Variants in FHIT observed in about 807,000 individuals in gnomAD.
The protein encoded by FHIT is fragile histidine triad diadenosine triphosphatase, also known as bis(5'-adenosyl)-triphosphatase.
A neutral mutation model predicts 17.9 loss-of-function variants in FHIT; 19 were observed. The observed-to-expected ratio is 1.06, with a 90% CI of 0.74 to 1.56. The LOEUF (loss-of-function observed/expected upper bound fraction) is 1.56, where lower values mean the gene tolerates loss of function less well. Ranked by LOEUF, FHIT falls within the 40% of genes most tolerant of loss-of-function variation. The pLI, the probability that FHIT is intolerant of heterozygous loss-of-function variation, is 0.00. For synonymous variants in FHIT, 81 were observed against 69.7 expected (o/e 1.16, Z -0.81); for missense variants, 248 against 189.2 (o/e 1.31, Z -1.82).
intron 5 of FHIT, among the ~76,000 whole-genome samples, chr3:60,384,509 C>A (rs946112340): frequency 1.7e-4 from 26 of 152,024 alleles, no homozygotes; most frequent in African/African-American, 6.3e-4. Flanking sequence ...ACACACACTC[C>A]AGGAAAGGAA....
intron 8 of FHIT, among the ~76,000 whole-genome samples, chr3:59,796,111 T>C (rs934565593): frequency 6.6e-6 from 1 of 152,178 alleles, no homozygotes; most frequent in African/African-American, 2.4e-5. Context: ...TTCTCCCTAA[T>C]TTGCTTTCAA....
intron 3 of FHIT, among the ~76,000 whole-genome samples, chr3:60,911,329 A>G (rs952063127): frequency 2.6e-5 from 4 of 151,790 alleles, no homozygotes; most frequent in Non-Finnish European, 5.9e-5. Context: ...ATTCTATAGA[A>G]TACTTATTCG....
chr3:60,548,219 A>C (rs1228574702), intron 4 of FHIT, among the ~76,000 whole-genome samples: 1 of 152,034 alleles, frequency 6.6e-6, no homozygotes, highest in Non-Finnish European at 1.5e-5. Context: ...GGAATATAAG[A>C]CTTCAGGGCC....
chr3:60,681,622 T>C (rs577324661), intron 4 of FHIT, among the ~76,000 whole-genome samples: 27 of 152,292 alleles, frequency 1.8e-4, no homozygotes, highest in African/African-American at 6.5e-4. Flanking sequence ...AAATTAAAAG[T>C]GCTACTCCAA....
At chr3:61,049,010 G>C (rs143781173) in intron 2 of FHIT, among the ~76,000 whole-genome samples, 3,744 of 151,990 alleles carry the variant, frequency 0.025, 113 homozygotes, top group Admixed American at 0.082. Context: ...ACCATTAGGA[G>C]ATATACCTAA....
chr3:60,152,619 A>T (rs1269751451), intron 5 of FHIT, among the ~76,000 whole-genome samples: 1 of 152,188 alleles, frequency 6.6e-6, no homozygotes, highest in Non-Finnish European at 1.5e-5. Flanking sequence ...ACCCCAAAAT[A>T]ACAAAGGAAA....
intron 5 of FHIT, among the ~76,000 whole-genome samples, chr3:60,403,604 A>G (rs1268914942): frequency 6.6e-6 from 1 of 152,170 alleles, no homozygotes; most frequent in Non-Finnish European, 1.5e-5. Context: ...TTGCTTAATT[A>G]TAGGTCATTA....
In FHIT at chr3:60,256,003, T is replaced by A. The variant is rs984191224; in HGVS notation, c.104-241851A>T. Reference sequence around the variant, plus strand: ...CTGGGTCGGCTTGCAAGCCTGATTTTTGAAAAGGTATTATGGTGAAACCTG... The same window carrying A: ...CTGGGTCGGCTTGCAAGCCTGATTTATGAAAAGGTATTATGGTGAAACCTG... On this transcript the variant is annotated intron_variant, in intron 5 of 9. Transcript: ENST00000492590. 3.9e-5 allele frequency among the ~76,000 whole-genome samples: 6 copies of A among 152,308 alleles called. No homozygotes were observed. In the South Asian group the frequency reaches 1.2e-3, roughly 32 times the overall value.
Position 59,748,562 on chromosome 3 carries a change from G to A in FHIT, c.*1023C>T, listed in dbSNP as rs539142237. 6.6e-6 allele frequency among the ~76,000 whole-genome samples: 1 copy of A among 150,820 alleles called. No individual in the cohort carries two copies. The highest frequency in any genetic ancestry group is 2.4e-5 in the African/African-American group (1 of 40,854). On this transcript the variant is annotated 3_prime_UTR_variant, in exon 10 of 10. Transcript: ENST00000492590. ...GGCAGGTAAGGAAGAAGTCCAGCAG[G>A]CGAGGAGGTGGGAGGTCCTCAAGGC... is the stretch of plus-strand genomic sequence containing the variant.
At chr3:60,139,019 G>T (rs538340914) in intron 5 of FHIT, among the ~76,000 whole-genome samples, 4 of 152,218 alleles carry the variant, frequency 2.6e-5, no homozygotes, top group Non-Finnish European at 5.9e-5. Context: ...CCAAAAGCCC[G>T]ATGTCTCCTC....
intron 5 of FHIT, among the ~76,000 whole-genome samples, chr3:60,117,498 A>AAG (rs1705024474): frequency 1.8e-5 from 2 of 113,328 alleles, no homozygotes; most frequent in Non-Finnish European, 3.5e-5. Flanking sequence ...CCTATCTAAA[A>AAG]AAAAAAAAAA....
chr3:60,283,552 A>G (rs955166848), intron 5 of FHIT, among the ~76,000 whole-genome samples: 1 of 152,124 alleles, frequency 6.6e-6, no homozygotes, highest in African/African-American at 2.4e-5. Flanking sequence ...GTAGATTACA[A>G]AAAAAGAATT....
intron 4 of FHIT, among the ~76,000 whole-genome samples, chr3:60,572,537 C>G (rs1396191062): frequency 6.6e-6 from 1 of 150,864 alleles, no homozygotes; most frequent in African/African-American, 2.4e-5. Flanking sequence ...CACATACATG[C>G]ATACACACAC....
intron 2 of FHIT, among the ~76,000 whole-genome samples, chr3:61,068,460 T>C (rs1343511279): frequency 1.3e-5 from 2 of 152,234 alleles, no homozygotes; most frequent in Non-Finnish European, 2.9e-5. Flanking sequence ...CTGCCTCCTC[T>C]ATCGCCATAT....
chr3:60,245,146 G>T (rs1247036653), intron 5 of FHIT, among the ~76,000 whole-genome samples: 1 of 152,024 alleles, frequency 6.6e-6, no homozygotes, highest in Non-Finnish European at 1.5e-5. Context: ...AAGAAGTCAT[G>T]AGCTTCATTT....
chr3:60,304,581 T>A (rs77144419), intron 5 of FHIT, among the ~76,000 whole-genome samples: 1,568 of 152,216 alleles, frequency 0.01, 31 homozygotes, highest in African/African-American at 0.035. Context: ...TTTATCATCA[T>A]AAAATAGAGT....
At chr3:61,022,662 A>C (rs1345360986) in intron 3 of FHIT, among the ~76,000 whole-genome samples, 1 of 152,156 alleles carries the variant, frequency 6.6e-6, no homozygotes, top group African/African-American at 2.4e-5. Context: ...AAGTTGGCTT[A>C]ATCCCTGGGA....
chr3:60,898,069 C>A (rs1705922221), intron 3 of FHIT, among the ~76,000 whole-genome samples: 1 of 152,118 alleles, frequency 6.6e-6, no homozygotes, highest in Non-Finnish European at 1.5e-5. Flanking sequence ...TATATGTAAA[C>A]ACACACCTAT....
At chr3:60,132,444 G>A (rs1397146070) in intron 5 of FHIT, among the ~76,000 whole-genome samples, 1 of 152,120 alleles carries the variant, frequency 6.6e-6, no homozygotes, top group East Asian at 1.9e-4. Context: ...CATTTGAAAA[G>A]GGGGGAAAAA....
Sources: allele counts gnomAD v4.1 joint callset (sites outside exome capture counted in the v4.1 genomes callset), GRCh38; gene constraint gnomAD v4.1.1; transcripts MANE v1.5; gene names NCBI Gene and HGNC (gene_info 2026-07-23, HGNC 2026-07-21).